TCF20: variants seen among roughly 807,000 people sequenced by gnomAD.
The protein encoded by TCF20 is transcription factor 20.
Under a neutral mutation model 148.6 loss-of-function variants are expected in TCF20, and 3 were observed. The ratio of observed to expected loss-of-function variants is 0.02; its 90% CI spans 0.01 to 0.05. The LOEUF is 0.05. Ranked by LOEUF, TCF20 falls within the 10% of genes least tolerant of loss-of-function variation. The probability of loss-of-function intolerance (pLI) is 1.00; values close to 1 mark genes in which losing one functional copy is unlikely to be tolerated. For synonymous variants in TCF20, 1,049 were observed against 909.5 expected, an observed-to-expected ratio of 1.15 and a Z score of -2.76; for missense variants, 2,350 against 2,429.3, an observed-to-expected ratio of 0.97 and a Z score of 0.69.
chr22:42,216,487 T>C (rs1301688439), intron 1 of TCF20, among the ~76,000 whole-genome samples: 1 of 152,202 alleles, frequency 6.6e-6, no homozygotes, highest in African/African-American at 2.4e-5. Flanking sequence ...CAACCTCTTC[T>C]TGGCATATGA....
Position 42,209,928 on chromosome 22 carries a change from T to C in TCF20, c.5378A>G (p.Glu1793Gly). The C allele has an allele frequency of 6.2e-7, 1 of 1,614,158 alleles. No individual in the cohort carries two copies. The highest frequency in any genetic ancestry group is 8.5e-7 in the Non-Finnish European group (1 of 1,180,034). Residue 1793 changes from glutamate (E) to glycine (G), a missense_variant, in exon 2 of 6, where the codon GAA becomes GGA. By Grantham distance (98) the Glu-to-Gly change is moderately conservative (BLOSUM62 -2). Transcript: ENST00000677622. ...GGACCGAGGGCCTCCACCACAGTCT[T>C]CCGAGCGGTGGCGCCGCTTAAACCT... ...HPRFKRRHRS[E>G]DCGGGPRSLS...
chr22:42,263,976 T>C (rs1926151698), intron 1 of TCF20, among the ~76,000 whole-genome samples: 1 of 152,146 alleles, frequency 6.6e-6, no homozygotes, highest in African/African-American at 2.4e-5. Flanking sequence ...GCCAAAGGGT[T>C]AGACTAGACA....
chr22:42,282,270 A>C (rs1926918133), intron 1 of TCF20, among the ~76,000 whole-genome samples: 1 of 152,014 alleles, frequency 6.6e-6, no homozygotes, highest in South Asian at 2.1e-4. Flanking sequence ...AACTCACTCC[A>C]CCATGCCCTC....
At chr22:42,187,027 C>T (rs2086747722) in intron 2 of TCF20, among the ~76,000 whole-genome samples, 1 of 152,208 alleles carries the variant, frequency 6.6e-6, no homozygotes, top group Non-Finnish European at 1.5e-5. Context: ...ACCTGGAAAC[C>T]AATGACTCCT....
chr22:42,200,856 A>G (rs1428394330), intron 2 of TCF20, among the ~76,000 whole-genome samples: 1 of 152,150 alleles, frequency 6.6e-6, no homozygotes, highest in Non-Finnish European at 1.5e-5. Context: ...TGTACATGTG[A>G]CTTACACGCT....
intron 1 of TCF20, among the ~76,000 whole-genome samples, chr22:42,327,279 T>G (rs1255417807): frequency 1.3e-5 from 2 of 152,146 alleles, no homozygotes; most frequent in South Asian, 4.1e-4. Flanking sequence ...CATCCCCAGG[T>G]GGGGAGAGGC....
intron 1 of TCF20, among the ~76,000 whole-genome samples, chr22:42,252,015 C>A (rs1925410869): frequency 1.3e-5 from 2 of 150,626 alleles, no homozygotes; most frequent in Admixed American, 1.3e-4. Flanking sequence ...ACCAGCCTGG[C>A]CAACGTGGCA....
chr22:42,215,128 G>A lies in TCF20; in HGVS notation c.178C>T (p.Arg60Ter). Residue 60 changes from arginine (R) to a stop codon, truncating the protein, a stop_gained, in exon 2 of 6, where the codon CGA (arginine) becomes TGA (stop). Coordinates refer to ENST00000677622, the MANE Select transcript of TCF20 (RefSeq NM_001378418.1). LOFTEE classifies it high-confidence loss of function. ...SSGSGSGGGR[R>*]GAAAAAAAMA... ...GCTGCCGCAGCAGCTGCTGCTCCTC[G>A]TCGTCCACCACCACTGCCACTGCCA... 6.2e-7 allele frequency: 1 copy of A among 1,614,032 alleles called. No homozygotes were observed. Among genetic ancestry groups the A allele is most frequent in the Non-Finnish European group, 8.5e-7 (1 of 1,179,982 alleles).
chr22:42,301,860 C>T (rs1029006938), intron 1 of TCF20, among the ~76,000 whole-genome samples: 1 of 152,264 alleles, frequency 6.6e-6, no homozygotes, highest in Admixed American at 6.5e-5. Flanking sequence ...CTCCAGTGCA[C>T]AGCCGCTTGG....
rs1367260328 is a variant in TCF20, at chr22:42,338,479, G to A, written c.-37+5000C>T. Among the ~76,000 whole-genome samples the A allele has an allele frequency of 1.3e-5, 2 of 152,242 alleles. No homozygotes were observed. The highest frequency in any genetic ancestry group is 1.9e-4 in the East Asian group (1 of 5,186). ...TCCCTCCCGGCAGCCCGGCCTGCAG[G>A]GGCCACTCGGCCAATCCCGAAGAGC... is the stretch of plus-strand genomic sequence containing the variant. On this transcript the variant is annotated intron_variant, in intron 1 of 1. Transcript: ENST00000515426. The surrounding 1 kb of genome is among the most constrained non-coding windows in gnomAD (Gnocchi z 4.0).
rs995986602 is a variant in TCF20 at position 42,279,842 on chromosome 22, G to A, written c.-37+3985C>T. 7.2e-4 allele frequency among the ~76,000 whole-genome samples: 110 copies of A among 152,274 alleles called. 1 individual carries two copies. The highest frequency in any genetic ancestry group is 1.0e-3 in the African/African-American group (42 of 41,536). On this transcript the variant is annotated intron_variant, in intron 1 of 5. Transcript: ENST00000359486. This position sits in a 1 kb window ranked among gnomAD's most constrained non-coding sequence, Gnocchi z 4.3. The stretch of plus-strand genomic sequence containing the variant: ...GCCACTGGGGGCCTCCGTGGCAATC[G>A]GGCTCACAAAGCCATGTGTGGGCTG...
chr22:42,266,466 C>T (rs576922700), intron 1 of TCF20, among the ~76,000 whole-genome samples: 5 of 152,296 alleles, frequency 3.3e-5, no homozygotes, highest in African/African-American at 1.2e-4. Flanking sequence ...TTTTATCTTA[C>T]AGAGTTTTAA....
rs982956883 is a variant in TCF20, at chr22:42,317,317, A to G, written c.-37+26162T>C. ...ACCACACTGAAGGTGGCAATATTTCACCTCGCCCAGAAATTTACTGCAAGT... is the reference window on the plus strand; with the variant it reads ...ACCACACTGAAGGTGGCAATATTTCGCCTCGCCCAGAAATTTACTGCAAGT... On this transcript the variant is annotated intron_variant, in intron 1 of 1. Transcript: ENST00000515426. This position sits in a 1 kb window ranked among gnomAD's most constrained non-coding sequence, Gnocchi z 4.2. Among the ~76,000 whole-genome samples, 8 of 152,040 alleles carry G rather than the reference A, an allele frequency of 5.3e-5. No homozygotes were observed. Among genetic ancestry groups the G allele is most frequent in the African/African-American group, 1.9e-4 (8 of 41,374 alleles).
intron 5 of TCF20, among the ~76,000 whole-genome samples, chr22:42,162,928 A>T (rs555835342): frequency 6.6e-6 from 1 of 152,176 alleles, no homozygotes; most frequent in Non-Finnish European, 1.5e-5. Flanking sequence ...CCATGGCACA[A>T]CATCACCACA....
At chr22:42,318,773 A>G (rs1927680456) in intron 1 of TCF20, among the ~76,000 whole-genome samples, 1 of 152,204 alleles carries the variant, frequency 6.6e-6, no homozygotes, top group African/African-American at 2.4e-5. Flanking sequence ...ACTTCCAGAC[A>G]CAGGGATGCC....
intron 1 of TCF20, among the ~76,000 whole-genome samples, chr22:42,242,464 CAATT>C (rs983224002): frequency 1.2e-4 from 18 of 151,858 alleles, no homozygotes; most frequent in African/African-American, 4.4e-4. Context: ...AGTACCACCA[CAATT>C]AAATATCTAT....
At chr22:42,240,458 G>A (rs563628726) in intron 1 of TCF20, among the ~76,000 whole-genome samples, 53 of 152,250 alleles carry the variant, frequency 3.5e-4, no homozygotes, top group Non-Finnish European at 2.5e-4. Context: ...ATAAGACCTT[G>A]TTTTCTGTTT....
chr22:42,253,564 C>A (rs1344613939), intron 1 of TCF20, among the ~76,000 whole-genome samples: 1 of 151,976 alleles, frequency 6.6e-6, no homozygotes, highest in African/African-American at 2.4e-5. Flanking sequence ...GTATGAAAAA[C>A]CAAAAGCATC....
At chr22:42,272,480 G>GT (rs1490880155), upstream of TCF20, among the ~76,000 whole-genome samples, 5 of 152,086 alleles carry the variant, frequency 3.3e-5, no homozygotes, top group African/African-American at 1.2e-4. Context: ...CCTCACTTGC[G>GT]TCTCAGATGC....
Sources: gnomAD v4.1 joint callset for allele counts (sites outside exome capture counted in the v4.1 genomes callset) on GRCh38, gnomAD v4.1.1 for gene constraint, Gnocchi (gnomAD v3.1) non-coding constraint, MANE v1.5 for transcripts, NCBI Gene and HGNC (gene_info 2026-07-23, HGNC 2026-07-21) for gene names.